Variants in VPS13B observed in about 807,000 individuals in gnomAD.
VPS13B encodes the protein intermembrane lipid transfer protein VPS13B.
VPS13B carries 285 observed loss-of-function variants against 426.4 expected under a neutral mutation model. The observed-to-expected ratio is 0.67, with a 90% CI of 0.61 to 0.74. The LOEUF is 0.74. VPS13B is among the 30% of genes least tolerant of loss of function. The pLI, the probability that VPS13B is intolerant of heterozygous loss-of-function variation, is 0.00. For synonymous variants in VPS13B, 1,676 were observed against 1,676.4 expected (o/e 1.00, Z 0.01); for missense variants, 4,537 against 4,782.6 (o/e 0.95, Z 1.51).
At chr8:99,048,826 A>AG (rs1554583305) in intron 3 of VPS13B, among the ~76,000 whole-genome samples, 1 of 151,194 alleles carries the variant, frequency 6.6e-6, no homozygotes, top group African/African-American at 2.4e-5. Context: ...AAAAAAAAAA[A>AG]GAAAATTTGG....
intron 30 of VPS13B, among the ~76,000 whole-genome samples, chr8:99,544,722 A>C (rs867071168): frequency 6.7e-6 from 1 of 148,334 alleles, no homozygotes; most frequent in Admixed American, 6.9e-5. Context: ...AACCTTTACA[A>C]GCATCCTTAT....
At chr8:99,325,745 G>GAAGAAACAGAC (rs6150726) in intron 19 of VPS13B, among the ~76,000 whole-genome samples, 125,338 of 151,786 alleles carry the variant, frequency 0.83, 52,266 homozygotes, top group South Asian at 0.89. Flanking sequence ...TCACTTTTGG[G>GAAGAAACAGAC]ATATCAGCTT....
At chr8:99,149,990 A>G (rs1810973409) in intron 14 of VPS13B, among the ~76,000 whole-genome samples, 1 of 152,198 alleles carries the variant, frequency 6.6e-6, no homozygotes, top group African/African-American at 2.4e-5. Context: ...GATGCCAGAA[A>G]GGTTGGTGTC....
intron 19 of VPS13B, among the ~76,000 whole-genome samples, chr8:99,312,655 G>A (rs1588238214): frequency 1.3e-5 from 2 of 152,116 alleles, no homozygotes; most frequent in Admixed American, 1.3e-4. Flanking sequence ...TCTTGGAGTT[G>A]CTCCTCTTGA....
At chr8:99,087,965 G>C (rs4735597) in intron 3 of VPS13B, among the ~76,000 whole-genome samples, 152,066 of 152,086 alleles carry the variant, frequency 1, 76,023 homozygotes, top group Non-Finnish European at 1. Context: ...AGGTAGATCA[G>C]TTAAGGTCAG....
chr8:99,174,493 C>A (rs749910982), intron 16 of VPS13B, among the ~76,000 whole-genome samples: 3 of 152,122 alleles, frequency 2.0e-5, no homozygotes, highest in Non-Finnish European at 2.9e-5. Context: ...TTGATAATAG[C>A]TATCGTAACA....
intron 22 of VPS13B, among the ~76,000 whole-genome samples, chr8:99,437,242 A>G (rs1050402843): frequency 2.0e-5 from 3 of 152,130 alleles, no homozygotes; most frequent in Admixed American, 6.6e-5. Context: ...TGCTAAACCC[A>G]TATTATTTTT....
chr8:99,126,019 AGG>A (rs1174366643), intron 8 of VPS13B, among the ~76,000 whole-genome samples: 1 of 151,922 alleles, frequency 6.6e-6, no homozygotes, highest in Non-Finnish European at 1.5e-5. Context: ...TATAGGCAAG[AGG>A]GGGAGAATTG....
At chr8:99,630,425 G>C (rs1049996915) in intron 33 of VPS13B, among the ~76,000 whole-genome samples, 1 of 151,800 alleles carries the variant, frequency 6.6e-6, no homozygotes, top group African/African-American at 2.4e-5. Flanking sequence ...GCTTCTTTCT[G>C]TCCTGGTTTA....
chr8:99,675,112 A>AT (rs1176627203), intron 35 of VPS13B, among the ~76,000 whole-genome samples: 1 of 151,928 alleles, frequency 6.6e-6, no homozygotes, highest in African/African-American at 2.4e-5. Flanking sequence ...ATTTATTGTA[A>AT]TGCAGGTCTG....
chr8:99,192,831 A>C (rs978300210), intron 16 of VPS13B, 45 bp from the exon 17 acceptor site: 2 of 1,603,728 alleles, frequency 1.2e-6, no homozygotes, highest in Non-Finnish European at 1.7e-6. Flanking sequence ...TGTTGTCTGT[A>C]AATGCTATTT....
chr8:99,835,190 C>T lies in VPS13B; in HGVS notation c.9615-7C>T, dbSNP rs1284869678. 1.2e-6 allele frequency: 2 copies of T among 1,613,738 alleles called. No individual in the cohort carries two copies. The highest frequency in any genetic ancestry group is 1.6e-4 in the Middle Eastern group (1 of 6,080). ...CATTTCTGTCATTTGACTTGATTCTCTTCCAGGGCTATAGTGCTGACATAT... is the reference window on the plus strand; with the variant it reads ...CATTTCTGTCATTTGACTTGATTCTTTTCCAGGGCTATAGTGCTGACATAT... On this transcript the variant is annotated splice_polypyrimidine_tract_variant and splice_region_variant and intron_variant, in intron 52 of 61. Transcript: ENST00000357162.
intron 31 of VPS13B, among the ~76,000 whole-genome samples, chr8:99,564,881 C>T (rs187408660): frequency 1.6e-4 from 25 of 152,314 alleles, no homozygotes; most frequent in Admixed American, 5.9e-4. Context: ...GCTCAGACCT[C>T]GTAGGCTTGT....
chr8:99,212,182 C>T (rs1466556100), intron 17 of VPS13B, among the ~76,000 whole-genome samples: 1 of 152,188 alleles, frequency 6.6e-6, no homozygotes, highest in Non-Finnish European at 1.5e-5. Flanking sequence ...CATGAGCCAC[C>T]GCACCTGGCC....
chr8:99,294,412 G>T (rs1294984573), intron 19 of VPS13B, among the ~76,000 whole-genome samples: 1 of 136,534 alleles, frequency 7.3e-6, no homozygotes, highest in African/African-American at 2.8e-5. Context: ...AGGGGGGAGA[G>T]ATAGCATTGG....
intron 17 of VPS13B, among the ~76,000 whole-genome samples, chr8:99,216,216 G>A (rs926188271): frequency 2.0e-5 from 3 of 152,074 alleles, no homozygotes; most frequent in South Asian, 2.1e-4. Context: ...AAGCCACATC[G>A]ATCTCTTTTC....
At chr8:99,385,699 T>C (rs1377981978) in intron 20 of VPS13B, among the ~76,000 whole-genome samples, 1 of 152,194 alleles carries the variant, frequency 6.6e-6, no homozygotes, top group Non-Finnish European at 1.5e-5. Flanking sequence ...TAGATGTATG[T>C]CCAGGATTAT....
At chr8:99,714,494 AGCATATCT>A (rs1832832323) in intron 36 of VPS13B, among the ~76,000 whole-genome samples, 1 of 152,176 alleles carries the variant, frequency 6.6e-6, no homozygotes, top group African/African-American at 2.4e-5. Flanking sequence ...GAAGAAAAAG[AGCATATCT>A]GCATAATCTC....
Position 99,511,189 on chromosome 8 carries a change from G to T in VPS13B, c.4310G>T (p.Arg1437Leu), listed in dbSNP as rs750810791. The change falls in exon 29 of 62, where the codon CGC (arginine) becomes CTC (leucine). Residue 1437 changes from arginine to leucine, a missense_variant. Transcript: ENST00000357162. ...TYTKAVTKNV[R>L]HKLTSRNERR... Reference sequence around the variant, plus strand: ...ACAAAAGCTGTAACAAAAAATGTCCGCCACAAGTTAACATCAAGAAATGAG... The same window carrying T: ...ACAAAAGCTGTAACAAAAAATGTCCTCCACAAGTTAACATCAAGAAATGAG... 2 of 1,613,932 alleles carry T rather than the reference G, an allele frequency of 1.2e-6. No homozygotes were observed. Among genetic ancestry groups the T allele is most frequent in the Non-Finnish European group, 1.7e-6 (2 of 1,179,968 alleles).
Sources: allele counts gnomAD v4.1 joint callset (sites outside exome capture counted in the v4.1 genomes callset), GRCh38; gene constraint gnomAD v4.1.1; transcripts MANE v1.5; gene names NCBI Gene and HGNC (gene_info 2026-07-23, HGNC 2026-07-21).